The following ITSN1 variants were observed in gnomAD, a reference collection of about 807,000 sequenced individuals.
ITSN1 encodes the protein intersectin-1.
A neutral mutation model predicts 239.8 loss-of-function variants in ITSN1; 58 were observed. That is an observed-to-expected ratio of 0.24 (90% confidence interval 0.20 to 0.30). The LOEUF (loss-of-function observed/expected upper bound fraction) is 0.30. ITSN1 is among the 10% of genes least tolerant of loss of function. The pLI, the probability that ITSN1 is intolerant of heterozygous loss-of-function variation, is 1.00. For synonymous variants in ITSN1, 780 were observed against 770.8 expected (o/e 1.01, Z -0.20); for missense variants, 1,558 against 2,103.3 (o/e 0.74, Z 5.07).
In ITSN1 at chr21:33,889,211, T is replaced by C. The variant is rs148978870; in HGVS notation, c.*911T>C. The C allele has an allele frequency of 5.9e-4, 90 of 152,262 alleles. 1 individual carries two copies. The highest frequency in any genetic ancestry group is 2.1e-3 in the African/African-American group (87 of 41,536). The allele number at this position is 152,262 out of a possible 1,614,324, so 9.4% of individuals were successfully genotyped here. On this transcript the variant is annotated 3_prime_UTR_variant, in exon 40 of 40. Transcript: ENST00000381318. Reference sequence around the variant, plus strand: ...CAGTCGTTGCTGGTGACCTGTTCTGTGCTTGAATGTGCTGAATCCTGATTG... The same window carrying C: ...CAGTCGTTGCTGGTGACCTGTTCTGCGCTTGAATGTGCTGAATCCTGATTG...
chr21:33,805,633 C>T (rs2072353927), intron 20 of ITSN1, among the ~76,000 whole-genome samples: 1 of 152,082 alleles, frequency 6.6e-6, no homozygotes, highest in African/African-American at 2.4e-5. Context: ...TGAAATTTGC[C>T]AGCCTCCAGG....
chr21:33,898,942 TA>T lies in ITSN1; in HGVS notation c.*10644del, dbSNP rs1986941933. ...TTAGAGGCACTGTCCATGTGGTCCA[TA>T]ACTGGCTTTATTCCCAAAGATGGAG... On this transcript the variant is annotated 3_prime_UTR_variant, in exon 40 of 40. Transcript: ENST00000381318. 1 of 152,244 alleles carries T rather than the reference TA, an allele frequency of 6.6e-6. No individual in the cohort carries two copies. The highest frequency in any genetic ancestry group is 1.5e-5 in the Non-Finnish European group (1 of 68,046). 9.4% of individuals were successfully genotyped at this position (152,244 alleles called of 1,614,324 possible).
chr21:33,884,866 G>A (rs956846446), intron 36 of ITSN1, among the ~76,000 whole-genome samples, 175 bp from the exon 37 acceptor site: 1 of 152,248 alleles, frequency 6.6e-6, no homozygotes, highest in South Asian at 2.1e-4. Flanking sequence ...CTTTCTTATC[G>A]ATGGCAGGAA....
intron 16 of ITSN1, 120 bp downstream of exon 16, chr21:33,782,253 A>G (rs1214646556): frequency 3.1e-6 from 3 of 980,362 alleles, no homozygotes; most frequent in South Asian, 2.9e-5. Context: ...GAGACAATCT[A>G]AATTGCACTT....
chr21:33,852,787 A>G (rs1978568994), intron 29 of ITSN1, among the ~76,000 whole-genome samples: 1 of 152,182 alleles, frequency 6.6e-6, no homozygotes, highest in African/African-American at 2.4e-5. Flanking sequence ...ATGTTCATGG[A>G]AAACCATTTG....
intron 14 of ITSN1, among the ~76,000 whole-genome samples, chr21:33,777,806 G>A (rs1219598859): frequency 1.3e-5 from 2 of 152,094 alleles, no homozygotes; most frequent in African/African-American, 4.8e-5. Flanking sequence ...TCCTTTGTGT[G>A]TCTTACTTTG....
At chr21:33,660,482 T>C (rs2089467134) in intron 1 of ITSN1, among the ~76,000 whole-genome samples, 1 of 152,198 alleles carries the variant, frequency 6.6e-6, no homozygotes, top group Non-Finnish European at 1.5e-5. Flanking sequence ...ATGAAAACTG[T>C]TCACAAAACA....
At chr21:33,848,762 C>T (rs2075063627) in intron 29 of ITSN1, among the ~76,000 whole-genome samples, 1 of 152,250 alleles carries the variant, frequency 6.6e-6, no homozygotes, top group South Asian at 2.1e-4. Flanking sequence ...CACCTGCCCC[C>T]AGGGCTCCAC....
At chr21:33,796,013 G>A (rs576381442) in intron 17 of ITSN1, among the ~76,000 whole-genome samples, 32 of 150,228 alleles carry the variant, frequency 2.1e-4, no homozygotes, top group African/African-American at 7.6e-4. Context: ...ACCCAGGCTG[G>A]AGTGCAGTGG....
At chr21:33,858,864 T>G (rs1316864761) in intron 31 of ITSN1, 72 bp downstream of exon 31, 2 of 799,480 alleles carry the variant, frequency 2.5e-6, no homozygotes, top group African/African-American at 3.5e-5. Context: ...TCTGTGGGTC[T>G]GTGTGTCCTT....
chr21:33,695,692 A>C (rs1035187777), intron 1 of ITSN1, among the ~76,000 whole-genome samples: 3 of 152,224 alleles, frequency 2.0e-5, no homozygotes, highest in Non-Finnish European at 4.4e-5. Context: ...CTTTCTAAAG[A>C]AAATAAGAAA....
intron 27 of ITSN1, among the ~76,000 whole-genome samples, chr21:33,831,478 C>G (rs1011732805): frequency 1.3e-5 from 2 of 152,184 alleles, no homozygotes; most frequent in African/African-American, 4.8e-5. Flanking sequence ...TGCCCATGAG[C>G]AGGACGGTAT....
intron 27 of ITSN1, among the ~76,000 whole-genome samples, chr21:33,833,983 A>G (rs1358724643): frequency 6.6e-6 from 1 of 152,140 alleles, no homozygotes; most frequent in Non-Finnish European, 1.5e-5. Flanking sequence ...TAATGTCTAC[A>G]TTACCTGAAA....
chr21:33,650,568 A>G (rs1247635760), intron 1 of ITSN1, among the ~76,000 whole-genome samples: 1 of 152,232 alleles, frequency 6.6e-6, no homozygotes, highest in Non-Finnish European at 1.5e-5. Flanking sequence ...CCAGTGTTTC[A>G]CAAAAATCAA....
At chr21:33,851,309 G>A (rs1978305619) in intron 29 of ITSN1, among the ~76,000 whole-genome samples, 1 of 152,174 alleles carries the variant, frequency 6.6e-6, no homozygotes, top group African/African-American at 2.4e-5. Context: ...GCCCCTCGAG[G>A]AAGCCTCCCC....
intron 33 of ITSN1, among the ~76,000 whole-genome samples, chr21:33,868,929 A>C (rs1284385738): frequency 1.3e-5 from 2 of 152,106 alleles, no homozygotes; most frequent in Non-Finnish European, 1.5e-5. Context: ...CTACCTTGTA[A>C]GTCAGAAAAT....
intron 34 of ITSN1, among the ~76,000 whole-genome samples, chr21:33,878,898 C>A (rs1569337165): frequency 1.3e-5 from 2 of 152,162 alleles, no homozygotes; most frequent in Non-Finnish European, 1.5e-5. Flanking sequence ...CAGGAGGAAG[C>A]TGGGGGTTAA....
rs986156342 is a variant in ITSN1 at position 33,812,551 on chromosome 21, T to G, written c.2567+1329T>G. Among the ~76,000 whole-genome samples the G allele has an allele frequency of 2.6e-5, 4 of 152,168 alleles. No individual in the cohort carries two copies. The East Asian group carries it at 5.8e-4, about 22-fold the overall frequency. On this transcript the variant is annotated intron_variant, in intron 21 of 39. Coordinates refer to ENST00000381318, the MANE Select transcript of ITSN1 (RefSeq NM_003024.3). ...TCTCACTTCATCACCCAGGCTGGAGTGCAGTGGCATGACCATGGCTCACAG... is the reference window on the plus strand; with the variant it reads ...TCTCACTTCATCACCCAGGCTGGAGGGCAGTGGCATGACCATGGCTCACAG...
Position 33,761,465 on chromosome 21 carries a change from G to A in ITSN1, c.725-458G>A, listed in dbSNP as rs146384680. 8.4e-3 allele frequency among the ~76,000 whole-genome samples: 1,278 copies of A among 151,406 alleles called. 12 individuals carry two copies. The highest frequency in any genetic ancestry group is 0.012 in the Non-Finnish European group (783 of 67,888). On this transcript the variant is annotated intron_variant, in intron 8 of 39. Coordinates refer to ENST00000381318, the MANE Select transcript of ITSN1 (RefSeq NM_003024.3). ...GAAACAGTTTCCCGGAGATCTCTCC[G>A]AGGTCCCTTCCTCCTCTAAGATTCT... is the stretch of plus-strand genomic sequence containing the variant.
Sources: allele counts gnomAD v4.1 joint callset (sites outside exome capture counted in the v4.1 genomes callset), GRCh38; gene constraint gnomAD v4.1.1; transcripts MANE v1.5; gene names NCBI Gene and HGNC (gene_info 2026-07-23, HGNC 2026-07-21).